The following PCDH15 variants were observed in gnomAD, a reference collection of about 807,000 sequenced individuals.
The protein encoded by PCDH15 is protocadherin related 15.
Under a neutral mutation model 178.5 loss-of-function variants are expected in PCDH15, and 129 were observed. That is an observed-to-expected ratio of 0.72 (90% CI 0.63 to 0.84). The LOEUF (loss-of-function observed/expected upper bound fraction) is 0.84. PCDH15 is among the 40% of genes least tolerant of loss of function. The pLI, the probability that PCDH15 is intolerant of heterozygous loss-of-function variation, is 0.00. For missense variants in PCDH15, 2,230 were observed against 2,099.9 expected (o/e 1.06, Z -1.21); for synonymous variants, 800 against 732.0 (o/e 1.09, Z -1.50).
intron 3 of PCDH15, among the ~76,000 whole-genome samples, chr10:54,442,456 A>ATC (rs2075880797): frequency 9.5e-6 from 1 of 105,586 alleles, no homozygotes; most frequent in African/African-American, 4.0e-5. Flanking sequence ...ATATATATAT[A>ATC]TATACAGTCT....
intron 1 of PCDH15, among the ~76,000 whole-genome samples, chr10:54,671,548 T>C (rs2094673454): frequency 6.6e-6 from 1 of 152,154 alleles, no homozygotes; most frequent in Admixed American, 6.5e-5. Context: ...CTTGTGAGAA[T>C]CAGTTTAAAA....
chr10:55,329,002 CGTGTGTGTGTGT>C (rs34920648), intron 2 of PCDH15, among the ~76,000 whole-genome samples: 4 of 131,118 alleles, frequency 3.1e-5, no homozygotes, highest in Non-Finnish European at 6.5e-5. Context: ...ATTCCATTTT[CGTGTGTGTGTGT>C]GTGTGTGTGT....
chr10:55,146,664 T>C (rs1838521751), intron 2 of PCDH15, among the ~76,000 whole-genome samples: 1 of 151,906 alleles, frequency 6.6e-6, no homozygotes, highest in South Asian at 2.1e-4. Context: ...CATAATACAG[T>C]TAAAAGTTTA....
At chr10:55,078,393 T>C (rs1428729139) in intron 2 of PCDH15, among the ~76,000 whole-genome samples, 1 of 152,198 alleles carries the variant, frequency 6.6e-6, no homozygotes, top group Non-Finnish European at 1.5e-5. Flanking sequence ...TCATCTATTA[T>C]TCATCAAATA....
At chr10:55,310,016 A>AT (rs945608881) in intron 1 of PCDH15, among the ~76,000 whole-genome samples, 5 of 151,124 alleles carry the variant, frequency 3.3e-5, no homozygotes, top group African/African-American at 9.8e-5. Flanking sequence ...CTTGAAATGC[A>AT]TTTTTTTCAC....
chr10:54,531,331 G>T (rs771328834), intron 2 of PCDH15, among the ~76,000 whole-genome samples: 3 of 152,162 alleles, frequency 2.0e-5, no homozygotes, highest in Non-Finnish European at 4.4e-5. Flanking sequence ...AATGCTCAGT[G>T]TGGCTTATTT....
intron 3 of PCDH15, among the ~76,000 whole-genome samples, chr10:54,499,975 C>CA (rs1437005616): frequency 1.3e-5 from 2 of 152,036 alleles, no homozygotes; most frequent in African/African-American, 4.8e-5. Context: ...AATCTTTCTA[C>CA]CAAAAAGACA....
intron 2 of PCDH15, among the ~76,000 whole-genome samples, chr10:54,916,053 C>T (rs1954896298): frequency 6.6e-6 from 1 of 152,004 alleles, no homozygotes; most frequent in Non-Finnish European, 1.5e-5. Context: ...GTCTCGAACT[C>T]CTGACCACCC....
At position 54,130,382 on chromosome 10, in the gene PCDH15, G is replaced by A. The variant is rs111307010; in HGVS notation, c.1917+2493C>T. ...TGACTGGCTCTCACGATTTCGGCGC[G>A]GTCTGGCTCCAGCATTTGACTGTGA... On this transcript the variant is annotated intron_variant, in intron 15 of 37. Transcript: ENST00000644397. Among the ~76,000 whole-genome samples, 1,128 of 152,220 alleles carry A rather than the reference G, an allele frequency of 7.4e-3. 18 individuals carry two copies. Among genetic ancestry groups the A allele is most frequent in the African/African-American group, 0.026 (1,099 of 41,530 alleles).
chr10:54,564,116 ATTCC>A (rs1391372498), intron 2 of PCDH15, among the ~76,000 whole-genome samples: 2 of 149,580 alleles, frequency 1.3e-5, no homozygotes, highest in Non-Finnish European at 3.0e-5. Context: ...TTTTTTGTAG[ATTCC>A]TTGTTTTTCC....
chr10:54,024,452 T>C (rs979348183), intron 18 of PCDH15, among the ~76,000 whole-genome samples: 2 of 152,162 alleles, frequency 1.3e-5, no homozygotes, highest in Non-Finnish European at 2.9e-5. Flanking sequence ...CAGTGGTATA[T>C]CCAGTTTTAC....
chr10:54,086,061 G>A (rs2094511103), intron 16 of PCDH15, among the ~76,000 whole-genome samples: 2 of 152,050 alleles, frequency 1.3e-5, no homozygotes, highest in Non-Finnish European at 2.9e-5. Flanking sequence ...GTCCATTTGT[G>A]TTGCTATAAA....
At chr10:54,379,446 A>C (rs1321325037) in intron 3 of PCDH15, among the ~76,000 whole-genome samples, 2 of 152,156 alleles carry the variant, frequency 1.3e-5, no homozygotes, top group African/African-American at 2.4e-5. Context: ...TACATAAAAC[A>C]TACATCTTGA....
intron 14 of PCDH15, among the ~76,000 whole-genome samples, chr10:54,147,104 T>C (rs2133257330): frequency 6.6e-6 from 1 of 150,700 alleles, no homozygotes; most frequent in South Asian, 2.1e-4. Flanking sequence ...AAGCAAAGCC[T>C]CATAACTTTT....
intron 2 of PCDH15, among the ~76,000 whole-genome samples, chr10:55,118,200 C>G (rs1411683237): frequency 6.6e-6 from 1 of 152,108 alleles, no homozygotes; most frequent in Admixed American, 6.5e-5. Context: ...CTCAGTAAAA[C>G]CAGACTGAGA....
intron 2 of PCDH15, among the ~76,000 whole-genome samples, chr10:54,529,901 T>TAC (rs200488565): frequency 2.0e-5 from 3 of 151,724 alleles, no homozygotes; most frequent in Non-Finnish European, 2.9e-5. Flanking sequence ...CTCTCATATG[T>TAC]ACACACACAC....
chr10:55,627,843 C>T (rs1328253401), intron 1 of PCDH15: 1 of 152,372 alleles, frequency 6.6e-6, no homozygotes, highest in South Asian at 2.1e-4. Context: ...CAGAAGGTTC[C>T]GGCTCCTCTT....
chr10:55,620,736 T>A (rs549779623), intron 2 of PCDH15, among the ~76,000 whole-genome samples: 3 of 151,594 alleles, frequency 2.0e-5, no homozygotes, highest in African/African-American at 7.2e-5. Flanking sequence ...AAGCCATAAA[T>A]AATATATAAT....
intron 2 of PCDH15, among the ~76,000 whole-genome samples, chr10:55,148,614 A>G (rs1158496366): frequency 6.6e-6 from 1 of 151,816 alleles, no homozygotes; most frequent in Non-Finnish European, 1.5e-5. Context: ...CTACAATTAA[A>G]TGTAAGTTAC....
Sources: gnomAD v4.1 joint callset for allele counts (sites outside exome capture counted in the v4.1 genomes callset) on GRCh38, gnomAD v4.1.1 for gene constraint, MANE v1.5 for transcripts, NCBI Gene and HGNC (gene_info 2026-07-23, HGNC 2026-07-21) for gene names.